SLC24A3: variants seen among roughly 807,000 people sequenced by gnomAD.
SLC24A3 encodes the protein solute carrier family 24 member 3.
Under a neutral mutation model 75.8 loss-of-function variants are expected in SLC24A3, and 28 were observed. That is an observed-to-expected ratio of 0.37 (90% confidence interval 0.27 to 0.51). The LOEUF is 0.51. Among genes scored for constraint, SLC24A3 ranks in the 20% least tolerant of loss-of-function variants. The pLI is 0.94. For missense variants in SLC24A3, 663 were observed against 847.8 expected (o/e 0.78, Z 2.71); for synonymous variants, 372 against 334.1 (o/e 1.11, Z -1.24).
chr20:19,639,603 C>T (rs566144012), intron 6 of SLC24A3, among the ~76,000 whole-genome samples: 1 of 152,356 alleles, frequency 6.6e-6, no homozygotes, highest in South Asian at 2.1e-4. Flanking sequence ...GGTGGAGGTG[C>T]CTGCCAGTCC....
At chr20:19,349,416 G>C (rs1478916226) in intron 2 of SLC24A3, among the ~76,000 whole-genome samples, 1 of 152,154 alleles carries the variant, frequency 6.6e-6, no homozygotes, top group Non-Finnish European at 1.5e-5. Context: ...TATTATCAGA[G>C]CCTCCCATTG....
intron 6 of SLC24A3, among the ~76,000 whole-genome samples, chr20:19,621,388 A>G (rs2031802920): frequency 6.6e-6 from 1 of 152,148 alleles, no homozygotes; most frequent in Non-Finnish European, 1.5e-5. Flanking sequence ...TCAGAAGTAG[A>G]TTTGTAGAAG....
At position 19,342,798 on chromosome 20, in the gene SLC24A3, C is replaced by T. The variant is rs971330416; in HGVS notation, c.271+61711C>T. 3.3e-5 allele frequency among the ~76,000 whole-genome samples: 5 copies of T among 152,216 alleles called. No individual in the cohort carries two copies. In the East Asian group the frequency reaches 5.8e-4, roughly 18 times the overall value. ...TTTGAAAAGGCAGAAGCGCCGGGCACGGTGGCCCACGCCTGTAATCCTAGC... is the reference window on the plus strand; with the variant it reads ...TTTGAAAAGGCAGAAGCGCCGGGCATGGTGGCCCACGCCTGTAATCCTAGC... On this transcript the variant is annotated intron_variant, in intron 2 of 16. Transcript: ENST00000328041.
At chr20:19,277,223 C>T (rs546784877) in intron 1 of SLC24A3, among the ~76,000 whole-genome samples, 1 of 152,200 alleles carries the variant, frequency 6.6e-6, no homozygotes, top group Non-Finnish European at 1.5e-5. Context: ...GATATTTAAC[C>T]TCTCTGCCTA....
At chr20:19,690,166 T>C (rs1359072173) in intron 12 of SLC24A3, among the ~76,000 whole-genome samples, 2 of 152,184 alleles carry the variant, frequency 1.3e-5, no homozygotes, top group Non-Finnish European at 2.9e-5. Flanking sequence ...TACATTTAAA[T>C]ATATGATTCA....
intron 1 of SLC24A3, among the ~76,000 whole-genome samples, chr20:19,250,684 T>C (rs531063588): frequency 9.8e-5 from 15 of 152,328 alleles, no homozygotes; most frequent in Admixed American, 9.8e-4. Context: ...TTCTTTGCCA[T>C]TAAATATATT....
intron 3 of SLC24A3, among the ~76,000 whole-genome samples, chr20:19,517,101 A>AC (rs1045024953): frequency 4.0e-5 from 6 of 151,840 alleles, no homozygotes; most frequent in Non-Finnish European, 7.4e-5. Flanking sequence ...AGCCTTTGCA[A>AC]CCCCCCAGCC....
intron 2 of SLC24A3, among the ~76,000 whole-genome samples, chr20:19,298,491 A>G (rs1291941315): frequency 6.6e-6 from 1 of 152,210 alleles, no homozygotes. Context: ...CTTGTTCCCC[A>G]GAAGCAGATT....
chr20:19,273,752 G>A (rs2122213894), intron 1 of SLC24A3, among the ~76,000 whole-genome samples: 2 of 152,074 alleles, frequency 1.3e-5, no homozygotes, highest in African/African-American at 2.4e-5. Flanking sequence ...GGAGGCCATA[G>A]GTTCTGTTTA....
At chr20:19,707,750 C>T (rs2032945883) in intron 15 of SLC24A3, among the ~76,000 whole-genome samples, 1 of 152,138 alleles carries the variant, frequency 6.6e-6, no homozygotes, top group Non-Finnish European at 1.5e-5. Context: ...TGATGCCATT[C>T]ATGGAGATGG....
At chr20:19,245,064 G>GGTT (rs1982446984) in intron 1 of SLC24A3, among the ~76,000 whole-genome samples, 1 of 152,160 alleles carries the variant, frequency 6.6e-6, no homozygotes. Context: ...ACAGGGGACT[G>GGTT]TATGGTAAAT....
intron 1 of SLC24A3, among the ~76,000 whole-genome samples, chr20:19,259,743 C>A (rs1287714305): frequency 2.0e-5 from 3 of 152,148 alleles, no homozygotes; most frequent in African/African-American, 7.2e-5. Flanking sequence ...AAATGTTCAA[C>A]CATACAGAAA....
chr20:19,454,592 T>C (rs1428787691), intron 2 of SLC24A3, among the ~76,000 whole-genome samples: 1 of 152,208 alleles, frequency 6.6e-6, no homozygotes, highest in Non-Finnish European at 1.5e-5. Context: ...TTGACATTTT[T>C]ACAAATGATA....
chr20:19,275,912 C>G (rs996423967), intron 1 of SLC24A3, among the ~76,000 whole-genome samples: 9 of 152,192 alleles, frequency 5.9e-5, no homozygotes, highest in African/African-American at 1.4e-4. Flanking sequence ...CCCTCTTCAT[C>G]CCCTACCCCT....
chr20:19,324,178 T>A (rs1228661180), intron 2 of SLC24A3, among the ~76,000 whole-genome samples: 1 of 152,172 alleles, frequency 6.6e-6, no homozygotes, highest in Non-Finnish European at 1.5e-5. Context: ...CCTGTTTCAG[T>A]CATGTGAAAT....
At chr20:19,686,146 A>G (rs1471680541) in intron 12 of SLC24A3, among the ~76,000 whole-genome samples, 2 of 152,190 alleles carry the variant, frequency 1.3e-5, no homozygotes, top group African/African-American at 4.8e-5. Flanking sequence ...AACTTTTGGT[A>G]TGAAGGAAGA....
intron 8 of SLC24A3, among the ~76,000 whole-genome samples, chr20:19,671,053 A>G (rs1600331609): frequency 6.6e-6 from 1 of 152,226 alleles, no homozygotes; most frequent in Admixed American, 6.5e-5. Flanking sequence ...ATAATCACAG[A>G]CTGCTTAGAG....
chr20:19,529,577 A>G (rs1019725971), intron 3 of SLC24A3, among the ~76,000 whole-genome samples: 1 of 152,154 alleles, frequency 6.6e-6, no homozygotes, highest in Non-Finnish European at 1.5e-5. Context: ...TCCATATTCC[A>G]TGTGATGCTT....
chr20:19,608,349 C>G (rs2031625784), intron 6 of SLC24A3, among the ~76,000 whole-genome samples: 1 of 152,160 alleles, frequency 6.6e-6, no homozygotes, highest in East Asian at 1.9e-4. Context: ...GATTTAAATA[C>G]ATATTAAAGA....
Sources: gnomAD v4.1 joint callset for allele counts (sites outside exome capture counted in the v4.1 genomes callset) on GRCh38, gnomAD v4.1.1 for gene constraint, MANE v1.5 for transcripts, NCBI Gene and HGNC (gene_info 2026-07-23, HGNC 2026-07-21) for gene names.